Variants in PCDH11X observed in about 807,000 individuals in gnomAD.
PCDH11X encodes protocadherin 11 X-linked.
Under a neutral mutation model 53.3 loss-of-function variants are expected in PCDH11X, and 18 were observed. That is an observed-to-expected ratio of 0.34 (90% CI 0.23 to 0.50). PCDH11X has a LOEUF of 0.50. Ranked by LOEUF, PCDH11X falls within the 20% of genes least tolerant of loss-of-function variation. The probability of loss-of-function intolerance (pLI) is 0.98; values close to 1 mark genes in which losing one functional copy is unlikely to be tolerated. For synonymous variants in PCDH11X, 279 were observed against 393.3 expected, an observed-to-expected ratio of 0.71 and a Z score of 3.44; for missense variants, 570 against 1,032.4, an observed-to-expected ratio of 0.55 and a Z score of 6.14.
chrX:92,421,599 C>T (rs747036096), intron 9 of PCDH11X, among the ~76,000 whole-genome samples: 36 of 111,669 alleles, frequency 3.2e-4, no homozygotes, highest in Middle Eastern at 4.7e-3. Flanking sequence ...TATGGCAGAA[C>T]GATTTACATT....
chrX:91,883,596 G>C, intron 6 of PCDH11X: 4 of 624,550 alleles, frequency 6.4e-6, no homozygotes, highest in Non-Finnish European at 7.7e-6. Context: ...ACGAGGTCAG[G>C]AGATTGAGAC....
chrX:92,366,506 A>G (rs1173064570), intron 8 of PCDH11X, among the ~76,000 whole-genome samples: 1 of 103,948 alleles, frequency 9.6e-6, no homozygotes, highest in Non-Finnish European at 2.0e-5. Context: ...TTCTGGTCTG[A>G]TCTTAGTTAT....
intron 6 of PCDH11X, among the ~76,000 whole-genome samples, chrX:92,099,345 CTG>C (rs947078759): frequency 5.4e-4 from 58 of 107,763 alleles, no homozygotes; most frequent in African/African-American, 1.9e-3. Flanking sequence ...AAGTTTATTG[CTG>C]TGTCTTCTTT....
At chrX:92,286,259 C>T (rs1303829839) in intron 8 of PCDH11X, among the ~76,000 whole-genome samples, 1 of 108,068 alleles carries the variant, frequency 9.3e-6, no homozygotes, top group Non-Finnish European at 1.9e-5. Context: ...TTTTGCTTTG[C>T]TTCTCATCAA....
At chrX:91,896,991 T>C (rs1186680219) in intron 6 of PCDH11X, among the ~76,000 whole-genome samples, 1 of 97,149 alleles carries the variant, frequency 1.0e-5, no homozygotes, top group Non-Finnish European at 2.0e-5. Flanking sequence ...AGGCAGATAA[T>C]CTTGTATATG....
intron 6 of PCDH11X, among the ~76,000 whole-genome samples, chrX:91,894,289 CT>C (rs1940645234): frequency 8.9e-6 from 1 of 111,862 alleles, no homozygotes; most frequent in Non-Finnish European, 1.9e-5. Flanking sequence ...AAGTCGGTGA[CT>C]ATTTTCTTCA....
chrX:92,004,936 C>T (rs1437213793), intron 6 of PCDH11X, among the ~76,000 whole-genome samples: 8 of 109,367 alleles, frequency 7.3e-5, no homozygotes, highest in African/African-American at 1.0e-4. Context: ...CCACCGCGCC[C>T]GGCTAATTTT....
intron 8 of PCDH11X, among the ~76,000 whole-genome samples, chrX:92,313,972 A>T (rs1178046335): frequency 1.8e-5 from 2 of 111,510 alleles, no homozygotes; most frequent in Non-Finnish European, 3.8e-5. Flanking sequence ...ACTACTGTAC[A>T]CTACTGTAGA....
chrX:91,791,194 G>C (rs1346649102), intron 1 of PCDH11X, among the ~76,000 whole-genome samples: 2 of 110,890 alleles, frequency 1.8e-5, no homozygotes, highest in African/African-American at 6.6e-5. Context: ...GTGCCCATGT[G>C]GGTATGAACC....
Position 92,201,406 on chromosome X carries a change from C to G in PCDH11X, c.3065C>G (p.Pro1022Arg), listed in dbSNP as rs2066389727. Residue 1022 changes from proline (P) to arginine (R), a missense_variant, in exon 7 of 11, where the codon CCC becomes CGC. This residue lies in a region of PCDH11X where 234 missense variants were observed against 296.1 expected (regional missense o/e 0.79). Transcript: ENST00000682573. ...PMKEVVRSCT[P>R]MKESTTMEIW... is the part of the protein sequence containing the mutation. ...AAGGAGGTTGTGCGATCTTGCACCCCCATGAAAGAGTCTACAACTATGGAG... is the reference window on the plus strand; with the variant it reads ...AAGGAGGTTGTGCGATCTTGCACCCGCATGAAAGAGTCTACAACTATGGAG... 8 of 1,204,875 alleles carry G rather than the reference C, an allele frequency of 6.6e-6. No individual in the cohort carries two copies. Among genetic ancestry groups the G allele is most frequent in the Non-Finnish European group, 7.9e-6 (7 of 891,000 alleles).
At chrX:91,988,847 C>T (rs1181642901) in intron 6 of PCDH11X, among the ~76,000 whole-genome samples, 1 of 111,708 alleles carries the variant, frequency 9.0e-6, no homozygotes, top group East Asian at 2.8e-4. Flanking sequence ...GATTATACTA[C>T]TCAATGTGAA....
intron 9 of PCDH11X, among the ~76,000 whole-genome samples, chrX:92,410,176 C>T (rs1482010203): frequency 9.1e-6 from 1 of 110,283 alleles, no homozygotes; most frequent in African/African-American, 3.3e-5. Flanking sequence ...CAGTTTTTCC[C>T]CTTATCATTG....
chrX:92,393,130 A>G (rs1330395507), intron 9 of PCDH11X, among the ~76,000 whole-genome samples: 1 of 110,638 alleles, frequency 9.0e-6, no homozygotes, highest in African/African-American at 3.3e-5. Flanking sequence ...ATAAAAAGAA[A>G]AGTGAATGCA....
chrX:92,207,189 G>A (rs1204709484), intron 7 of PCDH11X, among the ~76,000 whole-genome samples: 2 of 111,735 alleles, frequency 1.8e-5, no homozygotes, highest in Non-Finnish European at 3.8e-5. Flanking sequence ...ATTCACTGCA[G>A]CAAATATGCT....
At chrX:91,830,236 T>A (rs1039066590) in intron 4 of PCDH11X, among the ~76,000 whole-genome samples, 9 of 111,899 alleles carry the variant, frequency 8.0e-5, no homozygotes, top group African/African-American at 2.6e-4. Context: ...AATGCTAGAA[T>A]GAATCAGCAA....
At chrX:92,515,935 A>C (rs926179895) in intron 10 of PCDH11X, among the ~76,000 whole-genome samples, 2 of 111,858 alleles carry the variant, frequency 1.8e-5, no homozygotes, top group African/African-American at 6.5e-5. Flanking sequence ...AATGAAAAAG[A>C]AATTGTTCTC....
Position 92,561,353 on chromosome X carries a change from A to T in PCDH11X, c.3368-56911A>T, listed in dbSNP as rs187645247. ...GAAAAATAGAGATATATGACTTTTTAGATAGAGAATTCAAAATAGCTGTGT... is the reference window on the plus strand; with the variant it reads ...GAAAAATAGAGATATATGACTTTTTTGATAGAGAATTCAAAATAGCTGTGT... On this transcript the variant is annotated intron_variant, in intron 10 of 10. Coordinates refer to ENST00000682573, the MANE Select transcript of PCDH11X (RefSeq NM_032968.5). Among the ~76,000 whole-genome samples, 365 of 101,555 alleles carry T rather than the reference A, an allele frequency of 3.6e-3. 4 individuals carry two copies. The South Asian group carries it at 0.055, about 15-fold the overall frequency. The allele number at this position is 101,555 out of a possible 115,157, so 88.2% of individuals were successfully genotyped here. A position where few individuals can be genotyped will look rare whatever the true frequency, so the allele number is the denominator to read the frequency against.
intron 10 of PCDH11X, among the ~76,000 whole-genome samples, chrX:92,487,564 T>C (rs1403245986): frequency 9.1e-6 from 1 of 110,446 alleles, no homozygotes; most frequent in African/African-American, 3.3e-5. Flanking sequence ...AAAAAAAGAG[T>C]ATGGTTGTTA....
At chrX:92,152,726 A>T (rs4893304) in intron 6 of PCDH11X, among the ~76,000 whole-genome samples, 24,635 of 109,835 alleles carry the variant, frequency 0.22, 2,966 homozygotes, top group East Asian at 0.88. Flanking sequence ...TTAAAAATTT[A>T]AAAAATATTT....
Sources: allele counts gnomAD v4.1 joint callset (sites outside exome capture counted in the v4.1 genomes callset), GRCh38; gene constraint gnomAD v4.1.1; regional missense constraint gnomAD v4.1.1; transcripts MANE v1.5; gene names NCBI Gene and HGNC (gene_info 2026-07-23, HGNC 2026-07-21).